TMEM161B: variants seen among roughly 807,000 people sequenced by gnomAD.
TMEM161B encodes transmembrane protein 161B.
A neutral mutation model predicts 61.8 loss-of-function variants in TMEM161B; 34 were observed. The observed-to-expected ratio is 0.55, with a 90% CI of 0.42 to 0.73. TMEM161B has a LOEUF of 0.73. TMEM161B is among the 30% of genes least tolerant of loss of function. The probability of loss-of-function intolerance (pLI) is 0.00; values close to 1 mark genes in which losing one functional copy is unlikely to be tolerated. For missense variants in TMEM161B, 456 were observed against 558.5 expected (o/e 0.82, Z 1.85); for synonymous variants, 167 against 192.8 (o/e 0.87, Z 1.11).
chr5:88,240,921 G>GT lies in TMEM161B; in HGVS notation c.4-6dup, dbSNP rs1335057993. 2.0e-6 allele frequency: 3 copies of GT among 1,524,522 alleles called. No individual in the cohort carries two copies. The highest frequency in any genetic ancestry group is 2.8e-5 in the African/African-American group (2 of 70,766). The allele number at this position is 1,524,522 out of a possible 1,614,324, so 94.4% of individuals were successfully genotyped here. ...CAGCTGTATACCTATCACACCCTGT[G>GT]TAAAAAAAACAAACAAATTTAATAA... On this transcript the variant is annotated splice_region_variant and splice_polypyrimidine_tract_variant and intron_variant, in intron 1 of 11. Transcript: ENST00000296595.
intron 2 of TMEM161B, among the ~76,000 whole-genome samples, chr5:88,240,124 T>C (rs1003964991): frequency 1.3e-4 from 19 of 151,882 alleles, no homozygotes; most frequent in African/African-American, 4.3e-4. Context: ...GCAAGCCTAC[T>C]TAGCTCCTTT....
rs1561312718 is a variant in TMEM161B, at chr5:88,203,801, AT to A, written c.801-727del. ...TATATATATATATATATATATATAT[AT>A]ATATATATATATAATTTGCATTACT... is the stretch of plus-strand genomic sequence containing the variant. On this transcript the variant is annotated intron_variant, in intron 8 of 11. Coordinates refer to ENST00000296595, the MANE Select transcript of TMEM161B (RefSeq NM_153354.5). Among the ~76,000 whole-genome samples the A allele has an allele frequency of 2.2e-3, 138 of 61,684 alleles. 6 individuals are homozygous for A. The highest frequency in any genetic ancestry group is 3.3e-3 in the African/African-American group (58 of 17,762). The allele number at this position is 61,684 out of a possible 152,430, so 40.5% of individuals were successfully genotyped here. A position where few individuals can be genotyped will look rare whatever the true frequency, so the allele number is the denominator to read the frequency against.
chr5:88,220,510 C>T lies in TMEM161B; in HGVS notation c.446+53G>A, dbSNP rs1748709053. On this transcript the variant is annotated intron_variant, in intron 5 of 11. Transcript: ENST00000296595. The stretch of plus-strand genomic sequence containing the variant: ...ATCTTTCTCAAATCAGAGATGAGAT[C>T]TAATGGTGTTATCTGCAAAATAAAT... The T allele has an allele frequency of 2.2e-6, 3 of 1,385,414 alleles. No homozygotes were observed. In the South Asian group the frequency reaches 5.3e-5, roughly 24 times the overall value. The allele number at this position is 1,385,414 out of a possible 1,614,324, so 85.8% of individuals were successfully genotyped here. A position where few individuals can be genotyped will look rare whatever the true frequency, so the allele number is the denominator to read the frequency against.
downstream of TMEM161B, among the ~76,000 whole-genome samples, chr5:88,191,260 T>C (rs774146054): frequency 4.3e-4 from 66 of 152,356 alleles, no homozygotes; most frequent in African/African-American, 1.1e-3. Context: ...GTCAGCAAGA[T>C]AGCAGAAGAG....
rs79122597 is a variant in TMEM161B at position 88,228,561 on chromosome 5, G to A, written c.108-33C>T. 6,880 of 1,433,868 alleles carry A rather than the reference G, an allele frequency of 4.8e-3. 218 individuals are homozygous for A. The African/African-American group carries it at 0.083, about 17-fold the overall frequency. 88.8% of individuals were successfully genotyped at this position (1,433,868 alleles called of 1,614,324 possible). A position where few individuals can be genotyped will look rare whatever the true frequency, so the allele number is the denominator to read the frequency against. On this transcript the variant is annotated intron_variant, in intron 2 of 11. Transcript: ENST00000296595. ...AAAAAAGAATTCTTTTAAATAAAGC[G>A]CTTAAAATCACCAGAATTATTCTTC...
In TMEM161B at chr5:88,203,138, A is replaced by C. The variant is rs569889015; in HGVS notation, c.801-63T>G. The C allele has an allele frequency of 2.4e-4, 244 of 1,000,014 alleles. 1 individual carries two copies. In the South Asian group the frequency reaches 3.1e-3, roughly 13 times the overall value. 61.9% of individuals were successfully genotyped at this position (1,000,014 alleles called of 1,614,324 possible). The stretch of plus-strand genomic sequence containing the variant: ...ACAGCACGTGCTAATAAACTACAGA[A>C]GCTGGGGTCTTACTAAAATGGAGGT... On this transcript the variant is annotated intron_variant, in intron 8 of 11. Coordinates refer to ENST00000296595, the MANE Select transcript of TMEM161B (RefSeq NM_153354.5).
At chr5:88,238,779 G>C (rs1443007920) in intron 2 of TMEM161B, among the ~76,000 whole-genome samples, 2 of 151,680 alleles carry the variant, frequency 1.3e-5, no homozygotes, top group Non-Finnish European at 2.9e-5. Context: ...TATGCCAAAA[G>C]GATAAAATCA....
intron 2 of TMEM161B, among the ~76,000 whole-genome samples, chr5:88,237,301 A>C (rs2112633623): frequency 6.6e-6 from 1 of 152,248 alleles, no homozygotes; most frequent in East Asian, 1.9e-4. Flanking sequence ...TCTACTTCTA[A>C]GTTTGACACT....
chr5:88,254,202 G>T (rs1292656946), intron 1 of TMEM161B, among the ~76,000 whole-genome samples: 1 of 152,070 alleles, frequency 6.6e-6, no homozygotes, highest in African/African-American at 2.4e-5. Context: ...TATAGGTATG[G>T]AGATGTATTA....
chr5:88,218,900 G>A (rs1193716708), intron 5 of TMEM161B, among the ~76,000 whole-genome samples: 1 of 152,140 alleles, frequency 6.6e-6, no homozygotes, highest in African/African-American at 2.4e-5. Flanking sequence ...GATGATACTG[G>A]AGAATATGCT....
intron 5 of TMEM161B, among the ~76,000 whole-genome samples, chr5:88,211,022 A>G (rs970115096): frequency 6.6e-6 from 1 of 152,190 alleles, no homozygotes; most frequent in African/African-American, 2.4e-5. Flanking sequence ...AATAATGTTA[A>G]AAAGCCATCT....
chr5:88,225,803 T>G lies in TMEM161B; in HGVS notation c.255A>C (p.Leu85=). ...LTIPKDIDLH[L]ETKSVTEVDT... is the part of the protein sequence containing the mutation. Reference sequence around the variant, plus strand: ...CCACTTCTGTAACTGACTTTGTTTCTAGATGAAGGTCAATATCCTTTGGAA... The same window carrying G: ...CCACTTCTGTAACTGACTTTGTTTCGAGATGAAGGTCAATATCCTTTGGAA... The change falls in exon 4 of 12, where the codon CTA becomes CTC. Residue 85 remains leucine, a synonymous_variant. Coordinates refer to ENST00000296595, the MANE Select transcript of TMEM161B (RefSeq NM_153354.5). The G allele has an allele frequency of 6.2e-7, 1 of 1,611,234 alleles. No homozygotes were observed. Among genetic ancestry groups the G allele is most frequent in the Non-Finnish European group, 8.5e-7 (1 of 1,178,548 alleles).
chr5:88,245,264 CT>C (rs944707961), intron 1 of TMEM161B, among the ~76,000 whole-genome samples: 1 of 151,840 alleles, frequency 6.6e-6, no homozygotes, highest in African/African-American at 2.4e-5. Flanking sequence ...ATTTTTTACC[CT>C]TTTCTTTCAC....
intron 1 of TMEM161B, among the ~76,000 whole-genome samples, chr5:88,246,935 G>C (rs1753694435): frequency 6.6e-6 from 1 of 152,010 alleles, no homozygotes; most frequent in South Asian, 2.1e-4. Context: ...ACTGACCAAA[G>C]AGATGGTTTC....
At chr5:88,265,379 C>T (rs978724039) in intron 1 of TMEM161B, among the ~76,000 whole-genome samples, 4 of 152,136 alleles carry the variant, frequency 2.6e-5, no homozygotes, top group Admixed American at 6.5e-5. Flanking sequence ...ATTGTTCCAC[C>T]TCAGATCATC....
chr5:88,218,304 G>C (rs1748286046), intron 5 of TMEM161B, among the ~76,000 whole-genome samples: 1 of 152,018 alleles, frequency 6.6e-6, no homozygotes, highest in African/African-American at 2.4e-5. Context: ...TATGGCTGTA[G>C]ACACGAATAA....
chr5:88,196,138 T>G lies in TMEM161B; in HGVS notation c.*73A>C, dbSNP rs747233714. On this transcript the variant is annotated 3_prime_UTR_variant, in exon 12 of 12. Transcript: ENST00000296595. ...CATTGTATTTGCTTTCTTCTGGTTT[T>G]CATCAGCCCTTTAAGGGCACAGATA... 2.0e-6 allele frequency: 3 copies of G among 1,510,826 alleles called. No individual in the cohort carries two copies. The highest frequency in any genetic ancestry group is 2.6e-6 in the Non-Finnish European group (3 of 1,134,770). The allele number at this position is 1,510,826 out of a possible 1,614,324, so 93.6% of individuals were successfully genotyped here. A position where few individuals can be genotyped will look rare whatever the true frequency, so the allele number is the denominator to read the frequency against.
chr5:88,200,247 G>A (rs1435548786), intron 9 of TMEM161B: 1 of 151,972 alleles, frequency 6.6e-6, no homozygotes, highest in African/African-American at 2.4e-5. Context: ...TAAGTCATGA[G>A]GGGACATGGA....
intron 1 of TMEM161B, among the ~76,000 whole-genome samples, chr5:88,258,503 T>C (rs948880071): frequency 6.6e-6 from 1 of 152,054 alleles, no homozygotes; most frequent in Non-Finnish European, 1.5e-5. Flanking sequence ...AAGAAAAAAA[T>C]GTCATGCTTT....
Sources: allele counts gnomAD v4.1 joint callset (sites outside exome capture counted in the v4.1 genomes callset), GRCh38; gene constraint gnomAD v4.1.1; transcripts MANE v1.5; gene names NCBI Gene and HGNC (gene_info 2026-07-23, HGNC 2026-07-21).